The following MTMR12 variants were observed in gnomAD, a reference collection of about 807,000 sequenced individuals.
MTMR12 encodes the protein myotubularin-related protein 12.
MTMR12 carries 33 observed loss-of-function variants against 96.7 expected under a neutral mutation model. The observed-to-expected ratio is 0.34, with a 90% confidence interval of 0.26 to 0.46. The LOEUF (loss-of-function observed/expected upper bound fraction) is 0.46. Ranked by LOEUF, MTMR12 falls within the 20% of genes least tolerant of loss-of-function variation. The pLI, the probability that MTMR12 is intolerant of heterozygous loss-of-function variation, is 1.00. For missense variants in MTMR12, 721 were observed against 896.1 expected (o/e 0.80, Z 2.49); for synonymous variants, 298 against 327.2 (o/e 0.91, Z 0.96).
chr5:32,245,661 C>G (rs1748650561), intron 10 of MTMR12, among the ~76,000 whole-genome samples: 1 of 152,050 alleles, frequency 6.6e-6, no homozygotes. Context: ...AACCTTGCCT[C>G]TACTAAAAAT....
intron 8 of MTMR12, 59 bp from the exon 9 acceptor site, chr5:32,248,937 T>C (rs1177260951): frequency 3.0e-6 from 4 of 1,328,456 alleles, no homozygotes; most frequent in Non-Finnish European, 4.3e-6. Context: ...AGGGGACACA[T>C]AAGCTTAGCA....
chr5:32,251,571 A>G (rs536875641), intron 8 of MTMR12, among the ~76,000 whole-genome samples: 1 of 152,324 alleles, frequency 6.6e-6, no homozygotes, highest in East Asian at 1.9e-4. Flanking sequence ...TCATGTTACA[A>G]GAAGAAATGG....
At chr5:32,243,644 G>C in intron 10 of MTMR12, 45 bp from the exon 11 acceptor site, 2 of 1,274,632 alleles carry the variant, frequency 1.6e-6, no homozygotes, top group Non-Finnish European at 2.3e-6. Flanking sequence ...ATTGTTCACT[G>C]ACATACTTGC....
At chr5:32,300,907 T>C (rs566309011) in intron 1 of MTMR12, among the ~76,000 whole-genome samples, 2 of 152,192 alleles carry the variant, frequency 1.3e-5, no homozygotes, top group African/African-American at 4.8e-5. Flanking sequence ...AAACCCCATC[T>C]CTACTAAAAA....
intron 1 of MTMR12, among the ~76,000 whole-genome samples, chr5:32,309,410 A>G (rs1044748206): frequency 6.6e-6 from 1 of 152,236 alleles, no homozygotes; most frequent in African/African-American, 2.4e-5. Flanking sequence ...AAAGGAAACT[A>G]TCAACAAAAT....
chr5:32,237,345 C>T (rs1748279434), intron 13 of MTMR12, among the ~76,000 whole-genome samples: 1 of 152,206 alleles, frequency 6.6e-6, no homozygotes, highest in Non-Finnish European at 1.5e-5. Context: ...ATCTGGGGGA[C>T]TCATTTTCAC....
intron 15 of MTMR12, among the ~76,000 whole-genome samples, chr5:32,230,895 C>T (rs544452218): frequency 6.6e-5 from 10 of 152,118 alleles, no homozygotes; most frequent in Non-Finnish European, 1.5e-4. Flanking sequence ...GAGTTTAAGC[C>T]GAAGTCATAA....
intron 7 of MTMR12, among the ~76,000 whole-genome samples, 169 bp downstream of exon 7, chr5:32,262,944 G>A (rs556818015): frequency 5.9e-5 from 9 of 152,298 alleles, no homozygotes; most frequent in Non-Finnish European, 1.2e-4. Context: ...AGAGGTATTC[G>A]GGGAAAATGG....
chr5:32,294,474 T>C (rs1263803129), intron 1 of MTMR12, among the ~76,000 whole-genome samples: 1 of 152,114 alleles, frequency 6.6e-6, no homozygotes, highest in Non-Finnish European at 1.5e-5. Flanking sequence ...GGTTAATTTT[T>C]TTTTTTAGTA....
chr5:32,295,482 T>C (rs1327134722), intron 1 of MTMR12, among the ~76,000 whole-genome samples: 1 of 152,188 alleles, frequency 6.6e-6, no homozygotes, highest in Non-Finnish European at 1.5e-5. Flanking sequence ...GTATTCTTAA[T>C]CCAAACATGA....
chr5:32,232,284 T>C (rs1299867772), intron 15 of MTMR12, among the ~76,000 whole-genome samples: 1 of 152,208 alleles, frequency 6.6e-6, no homozygotes, highest in Non-Finnish European at 1.5e-5. Flanking sequence ...TTGCTCCACC[T>C]GATATCTGGT....
chr5:32,270,642 G>A (rs1330595674), intron 5 of MTMR12, among the ~76,000 whole-genome samples, 175 bp downstream of exon 5: 3 of 152,152 alleles, frequency 2.0e-5, no homozygotes, highest in Admixed American at 6.5e-5. Context: ...TGATACACAC[G>A]CATGCTTTAT....
At chr5:32,264,492 G>T (rs976710041) in intron 6 of MTMR12, among the ~76,000 whole-genome samples, 1 of 149,204 alleles carries the variant, frequency 6.7e-6, no homozygotes, top group African/African-American at 2.5e-5. Flanking sequence ...ACGGAGTCTC[G>T]CTCTTTCGCC....
In MTMR12 at chr5:32,228,235, A is replaced by G. The variant is rs368733898; in HGVS notation, c.*1543T>C. On this transcript the variant is annotated 3_prime_UTR_variant, in exon 16 of 16. Coordinates refer to ENST00000382142, the MANE Select transcript of MTMR12 (RefSeq NM_001040446.3). ...GGTCTCGAACTCCTGGGCTCAAGCA[A>G]TTCGCCCACCTGAGCCTCCCAAAGT... The G allele has an allele frequency of 2.6e-5, 4 of 152,056 alleles. No homozygotes were observed. Among genetic ancestry groups the G allele is most frequent in the African/African-American group, 7.2e-5 (3 of 41,388 alleles). 9.4% of individuals were successfully genotyped at this position (152,056 alleles called of 1,614,324 possible). A position where few individuals can be genotyped will look rare whatever the true frequency, so the allele number is the denominator to read the frequency against.
intron 1 of MTMR12, among the ~76,000 whole-genome samples, chr5:32,302,638 A>C (rs1172422121): frequency 6.6e-6 from 1 of 151,542 alleles, no homozygotes; most frequent in Non-Finnish European, 1.5e-5. Flanking sequence ...AATCGCTTGA[A>C]CCCGGCAGGC....
At chr5:32,256,369 TAAAG>T (rs1403280213) in intron 7 of MTMR12, among the ~76,000 whole-genome samples, 14 of 152,340 alleles carry the variant, frequency 9.2e-5, no homozygotes, top group African/African-American at 3.4e-4. Context: ...ATCTTACAGA[TAAAG>T]AAACTGAGAC....
chr5:32,236,997 C>T (rs1748261687), intron 13 of MTMR12, among the ~76,000 whole-genome samples: 1 of 152,168 alleles, frequency 6.6e-6, no homozygotes, highest in Admixed American at 6.5e-5. Context: ...GATTTCTATT[C>T]AGCTCAATGG....
Position 32,229,358 on chromosome 5 carries a change from T to C in MTMR12, c.*420A>G, listed in dbSNP as rs1747897971. On this transcript the variant is annotated 3_prime_UTR_variant, in exon 16 of 16. Coordinates refer to ENST00000382142, the MANE Select transcript of MTMR12 (RefSeq NM_001040446.3). ...ATACATAAAGCTGAACTTGCTTCTA[T>C]AATTGAGATGGGTTACACAGAAACT... The C allele has an allele frequency of 6.4e-6, 1 of 156,720 alleles. No homozygotes were observed. The highest frequency in any genetic ancestry group is 2.4e-5 in the African/African-American group (1 of 41,610). 9.7% of individuals were successfully genotyped at this position (156,720 alleles called of 1,614,324 possible).
chr5:32,236,831 CCTT>C (rs1467043569), intron 13 of MTMR12, among the ~76,000 whole-genome samples: 3 of 149,744 alleles, frequency 2.0e-5, no homozygotes, highest in African/African-American at 5.0e-5. Flanking sequence ...GAGCGAAACT[CCTT>C]CTCCAAAAAA....
Sources: allele counts gnomAD v4.1 joint callset (sites outside exome capture counted in the v4.1 genomes callset), GRCh38; gene constraint gnomAD v4.1.1; transcripts MANE v1.5; gene names NCBI Gene and HGNC (gene_info 2026-07-23, HGNC 2026-07-21).